Variants in SDK1 observed in about 807,000 individuals in gnomAD.
The protein encoded by SDK1 is sidekick cell adhesion molecule 1.
In SDK1, 157 loss-of-function variants were observed where a neutral mutation model predicts 245.5. That is an observed-to-expected ratio of 0.64 (90% CI 0.56 to 0.73). The LOEUF is 0.73. Ranked by LOEUF, SDK1 falls within the 30% of genes least tolerant of loss-of-function variation. The pLI is 0.00. For missense variants in SDK1, 3,583 were observed against 3,002.3 expected, an observed-to-expected ratio of 1.19 and a Z score of -4.52; for synonymous variants, 1,647 against 1,278.5, an observed-to-expected ratio of 1.29 and a Z score of -6.15.
chr7:3,569,070 G>A (rs1370015520), intron 1 of SDK1, among the ~76,000 whole-genome samples: 1 of 145,910 alleles, frequency 6.9e-6, no homozygotes, highest in Non-Finnish European at 1.5e-5. Context: ...TTTCTCATCT[G>A]AAAAATTAAC....
chr7:3,979,280 G>T (rs909132188), intron 13 of SDK1, among the ~76,000 whole-genome samples: 1 of 152,196 alleles, frequency 6.6e-6, no homozygotes, highest in African/African-American at 2.4e-5. Context: ...GGGGAGGGAT[G>T]CTCTAAGTCC....
At chr7:3,387,725 T>C (rs1327562322) in intron 1 of SDK1, among the ~76,000 whole-genome samples, 4 of 152,246 alleles carry the variant, frequency 2.6e-5, no homozygotes, top group African/African-American at 9.6e-5. Context: ...TGGTAATCTT[T>C]TGTTACCTGT....
At chr7:3,668,885 G>A (rs951089827) in intron 4 of SDK1, among the ~76,000 whole-genome samples, 7 of 152,202 alleles carry the variant, frequency 4.6e-5, no homozygotes, top group African/African-American at 1.4e-4. Context: ...AGCTGAAAGA[G>A]TCACAAAGGC....
chr7:4,007,516 A>G (rs1785579870), intron 14 of SDK1, among the ~76,000 whole-genome samples: 1 of 152,108 alleles, frequency 6.6e-6, no homozygotes. Flanking sequence ...ACCCTGGGCC[A>G]AGCTTACAGC....
chr7:3,416,000 G>T (rs1779356635), intron 1 of SDK1, among the ~76,000 whole-genome samples: 1 of 152,162 alleles, frequency 6.6e-6, no homozygotes, highest in Admixed American at 6.5e-5. Flanking sequence ...TACCAGAGCA[G>T]TTCCATATGA....
intron 1 of SDK1, among the ~76,000 whole-genome samples, chr7:3,412,389 A>G (rs540192711): frequency 6.6e-6 from 1 of 152,196 alleles, no homozygotes; most frequent in Admixed American, 6.5e-5. Flanking sequence ...TTCTCACTCA[A>G]CATGTTTCTT....
chr7:3,623,460 C>G (rs1411731189), intron 2 of SDK1, among the ~76,000 whole-genome samples: 1 of 151,968 alleles, frequency 6.6e-6, no homozygotes, highest in African/African-American at 2.4e-5. Flanking sequence ...AGGCTGGTCT[C>G]ACACTCCTGA....
At chr7:3,478,594 T>A (rs1364687746) in intron 1 of SDK1, among the ~76,000 whole-genome samples, 1 of 151,938 alleles carries the variant, frequency 6.6e-6, no homozygotes, top group African/African-American at 2.4e-5. Context: ...TGTGTGGGCC[T>A]TTTTCTTTGT....
intron 1 of SDK1, among the ~76,000 whole-genome samples, chr7:3,505,389 C>T (rs1353409331): frequency 6.6e-6 from 1 of 152,040 alleles, no homozygotes; most frequent in Admixed American, 6.6e-5. Flanking sequence ...GTAGCTAGGA[C>T]TACAGGTGCA....
At chr7:3,587,004 T>TGGA (rs955980693) in intron 1 of SDK1, among the ~76,000 whole-genome samples, 1 of 151,422 alleles carries the variant, frequency 6.6e-6, no homozygotes, top group Non-Finnish European at 1.5e-5. Flanking sequence ...TAACTTGAGG[T>TGGA]GGAGGAGGAG....
At chr7:3,649,374 G>A (rs1782939717) in intron 4 of SDK1, among the ~76,000 whole-genome samples, 1 of 151,964 alleles carries the variant, frequency 6.6e-6, no homozygotes, top group African/African-American at 2.4e-5. Context: ...AGAAGAAATT[G>A]CCATCCCAAT....
At chr7:3,619,881 A>G (rs1033847474) in intron 2 of SDK1, among the ~76,000 whole-genome samples, 6 of 152,202 alleles carry the variant, frequency 3.9e-5, no homozygotes, top group Non-Finnish European at 8.8e-5. Flanking sequence ...TGAGGTGTAG[A>G]TTCACCTGGA....
chr7:3,482,345 C>T (rs1464620976), intron 1 of SDK1, among the ~76,000 whole-genome samples: 1 of 152,210 alleles, frequency 6.6e-6, no homozygotes, highest in Non-Finnish European at 1.5e-5. Flanking sequence ...AGACTGCCTT[C>T]ACCGTCTTTC....
intron 1 of SDK1, among the ~76,000 whole-genome samples, chr7:3,425,504 C>G (rs185726809): frequency 2.0e-3 from 301 of 152,250 alleles, no homozygotes; most frequent in Non-Finnish European, 3.5e-3. Flanking sequence ...TGTTTTTCTT[C>G]TGTTAGATAC....
Position 4,266,707 on chromosome 7 carries a change from C to T in SDK1, c.*1323C>T, listed in dbSNP as rs566886120. On this transcript the variant is annotated 3_prime_UTR_variant, in exon 45 of 45. Transcript: ENST00000404826. Reference sequence around the variant, plus strand: ...CCCCTCACGTCATCTTTGCAACAGACGACTGGGCTGCCATGGTCCACCCCT... The same window carrying T: ...CCCCTCACGTCATCTTTGCAACAGATGACTGGGCTGCCATGGTCCACCCCT... 5.6e-5 allele frequency: 55 copies of T among 985,458 alleles called. No homozygotes were observed. The highest frequency in any genetic ancestry group is 5.2e-4 in the South Asian group (11 of 21,288). The allele number at this position is 985,458 out of a possible 1,614,324, so 61.0% of individuals were successfully genotyped here.
chr7:3,700,219 A>G (rs945970052), intron 4 of SDK1, among the ~76,000 whole-genome samples: 3 of 152,202 alleles, frequency 2.0e-5, no homozygotes, highest in African/African-American at 7.2e-5. Flanking sequence ...CACTCCATAA[A>G]CGATTTTTTA....
chr7:4,113,421 C>A lies in SDK1; in HGVS notation c.3567C>A (p.Ser1189Arg). ...CGGTCCGTACTGCCAGTGAGACCAG[C>A]CTGCGGCTTCGCTGGGTGGTGAGTG... is the stretch of plus-strand genomic sequence containing the variant. Reference protein sequence around the residue: ...SVTVRTASETSLRLRWVPLPD... With the variant: ...SVTVRTASETRLRLRWVPLPD... Residue 1189 changes from serine (S) to arginine (R), a missense_variant, in exon 24 of 45, where the codon AGC becomes AGA. Ser to Arg is a moderately radical substitution (Grantham distance 110). Coordinates refer to ENST00000404826, the MANE Select transcript of SDK1 (RefSeq NM_152744.4). 1 of 1,613,814 alleles carries A rather than the reference C, an allele frequency of 6.2e-7. No homozygotes were observed. The highest frequency in any genetic ancestry group is 8.5e-7 in the Non-Finnish European group (1 of 1,180,024).
At chr7:3,571,549 C>T (rs1412115723) in intron 1 of SDK1, among the ~76,000 whole-genome samples, 1 of 152,026 alleles carries the variant, frequency 6.6e-6, no homozygotes, top group East Asian at 1.9e-4. Flanking sequence ...AAGTGATCTT[C>T]CTGCCTTAGC....
intron 5 of SDK1, among the ~76,000 whole-genome samples, chr7:3,944,594 A>C (rs1780502416): frequency 2.6e-5 from 4 of 152,234 alleles, no homozygotes; most frequent in Non-Finnish European, 4.4e-5. Context: ...TCTTTTAAAA[A>C]TGCTTAGATA....
Sources: allele counts gnomAD v4.1 joint callset (sites outside exome capture counted in the v4.1 genomes callset), GRCh38; gene constraint gnomAD v4.1.1; transcripts MANE v1.5; gene names NCBI Gene and HGNC (gene_info 2026-07-23, HGNC 2026-07-21).